The following CALN1 variants were observed in gnomAD, a reference collection of about 807,000 sequenced individuals.
CALN1 encodes the protein calneuron 1.
Under a neutral mutation model 30.6 loss-of-function variants are expected in CALN1, and 17 were observed. That is an observed-to-expected ratio of 0.56 (90% CI 0.38 to 0.83). The LOEUF (loss-of-function observed/expected upper bound fraction) is 0.83. Ranked by LOEUF, CALN1 falls within the 40% of genes least tolerant of loss-of-function variation. CALN1 has a pLI of 0.00. For missense variants in CALN1, 291 were observed against 354.9 expected (o/e 0.82, Z 1.45); for synonymous variants, 156 against 131.4 (o/e 1.19, Z -1.28).
intron 4 of CALN1, among the ~76,000 whole-genome samples, chr7:72,029,379 G>C (rs1471535446): frequency 6.6e-6 from 1 of 152,158 alleles, no homozygotes; most frequent in Non-Finnish European, 1.5e-5. Flanking sequence ...CTCCCAAAGT[G>C]CTGGGATTAC....
At chr7:72,111,464 TA>T (rs1807570024) in intron 3 of CALN1, among the ~76,000 whole-genome samples, 1 of 152,234 alleles carries the variant, frequency 6.6e-6, no homozygotes, top group African/African-American at 2.4e-5. Context: ...GCTGGTAACT[TA>T]TTTTTTTTTT....
chr7:71,927,333 C>G (rs936028369), intron 5 of CALN1, among the ~76,000 whole-genome samples: 1 of 152,148 alleles, frequency 6.6e-6, no homozygotes, highest in African/African-American at 2.4e-5. Flanking sequence ...CCTCAGCCTC[C>G]TGAGTAGCTG....
At chr7:72,399,494 C>G (rs971141584) in intron 2 of CALN1, among the ~76,000 whole-genome samples, 1 of 151,998 alleles carries the variant, frequency 6.6e-6, no homozygotes, top group Admixed American at 6.6e-5. Context: ...TGGTCTCGAT[C>G]TCTTGACCTC....
the CALN1 span, among the ~76,000 whole-genome samples, chr7:72,487,891 A>T: frequency 0.049 from 1,276 of 26,064 alleles, 26 homozygotes; most frequent in Non-Finnish European, 0.067. Flanking sequence ...AAAGAAAAGA[A>T]AAGAAAGAAA....
intron 3 of CALN1, among the ~76,000 whole-genome samples, chr7:72,117,213 A>G (rs1042110647): frequency 3.9e-5 from 6 of 152,194 alleles, no homozygotes; most frequent in African/African-American, 1.4e-4. Flanking sequence ...GCTACTAAGG[A>G]GGCTGAGATG....
chr7:72,375,243 T>C (rs1233886920), intron 2 of CALN1, among the ~76,000 whole-genome samples: 2 of 152,184 alleles, frequency 1.3e-5, no homozygotes, highest in East Asian at 3.8e-4. Flanking sequence ...CAGTGAGCTC[T>C]ATTCTCATCT....
Position 72,438,586 on chromosome 7 carries a change from G to A in CALN1, c.-226+8456C>T, listed in dbSNP as rs79426075. ...ACCGTCTTAAAATAGTAGCCGCCAC[G>A]TAGAGACATCACAGCAAATCTCTTA... On this transcript the variant is annotated intron_variant, in intron 1 of 6. Transcript: ENST00000395276. 1.6e-4 allele frequency among the ~76,000 whole-genome samples: 25 copies of A among 152,246 alleles called. No homozygotes were observed. The East Asian group carries it at 4.4e-3, about 27-fold the overall frequency.
chr7:72,492,847 G>A, the CALN1 span, among the ~76,000 whole-genome samples: 55 of 152,338 alleles, frequency 3.6e-4, no homozygotes, highest in African/African-American at 1.3e-3. Context: ...TATCCAGGAC[G>A]TATGGACAAT....
At chr7:72,228,523 A>G (rs993067310) in intron 3 of CALN1, among the ~76,000 whole-genome samples, 5 of 151,858 alleles carry the variant, frequency 3.3e-5, no homozygotes, top group African/African-American at 7.2e-5. Context: ...ATTCCTCAAT[A>G]AAGTTATTTT....
At chr7:71,928,259 T>A (rs1795368943) in intron 5 of CALN1, among the ~76,000 whole-genome samples, 1 of 152,116 alleles carries the variant, frequency 6.6e-6, no homozygotes, top group Non-Finnish European at 1.5e-5. Context: ...GAAATTTGTT[T>A]AAAAATTTCA....
At chr7:72,117,349 C>T (rs928003858) in intron 3 of CALN1, among the ~76,000 whole-genome samples, 4 of 152,064 alleles carry the variant, frequency 2.6e-5, no homozygotes, top group African/African-American at 9.7e-5. Flanking sequence ...GTTTTTGTTA[C>T]GTAGATGAAG....
chr7:72,063,814 T>G (rs1803830699), intron 4 of CALN1, among the ~76,000 whole-genome samples: 1 of 151,982 alleles, frequency 6.6e-6, no homozygotes, highest in Non-Finnish European at 1.5e-5. Flanking sequence ...GGATGCCCAA[T>G]CAGTAAGTAT....
Position 72,397,464 on chromosome 7 carries a change from C to G in CALN1, c.119+5787G>C, listed in dbSNP as rs542217361. Among the ~76,000 whole-genome samples, 6 of 152,226 alleles carry G rather than the reference C, an allele frequency of 3.9e-5. No individual in the cohort carries two copies. The South Asian group carries it at 1.2e-3, about 32-fold the overall frequency. ...TCATCTCCATGCTCATTCATCTCCC[C>G]AGTATGATCAGGACTTGCAGCAGAT... On this transcript the variant is annotated intron_variant, in intron 2 of 6. Coordinates refer to ENST00000395275, the MANE Select transcript of CALN1 (RefSeq NM_031468.4).
intron 5 of CALN1, among the ~76,000 whole-genome samples, chr7:71,951,955 T>A (rs1323269635): frequency 1.3e-5 from 2 of 151,724 alleles, no homozygotes; most frequent in Non-Finnish European, 2.9e-5. Context: ...TCCATTCCCC[T>A]CCTGGGAGTC....
intron 5 of CALN1, among the ~76,000 whole-genome samples, chr7:71,819,674 A>G (rs987624917): frequency 2.0e-5 from 3 of 151,958 alleles, no homozygotes; most frequent in Non-Finnish European, 4.4e-5. Flanking sequence ...TGCAAACCCA[A>G]CAACCACCAC....
intron 3 of CALN1, among the ~76,000 whole-genome samples, chr7:72,246,809 C>T (rs897051650): frequency 5.9e-5 from 8 of 135,602 alleles, no homozygotes; most frequent in Non-Finnish European, 1.2e-4. Flanking sequence ...GACTGGGGTG[C>T]TGTGGCGCAA....
intron 2 of CALN1, among the ~76,000 whole-genome samples, chr7:72,399,195 T>C (rs138488717): frequency 5.8e-4 from 88 of 150,986 alleles, no homozygotes; most frequent in Non-Finnish European, 9.6e-4. Context: ...GACAATGGGC[T>C]GCAAGGCTGG....
At chr7:71,940,298 T>C (rs1006330614) in intron 5 of CALN1, among the ~76,000 whole-genome samples, 2 of 152,224 alleles carry the variant, frequency 1.3e-5, no homozygotes, top group African/African-American at 4.8e-5. Flanking sequence ...TTTCATGCAA[T>C]CTGTTCTTCT....
At chr7:72,202,809 G>A (rs1791534399) in intron 3 of CALN1, among the ~76,000 whole-genome samples, 1 of 152,106 alleles carries the variant, frequency 6.6e-6, no homozygotes, top group Non-Finnish European at 1.5e-5. Flanking sequence ...GATTCCTCAA[G>A]GATCTAGAAC....
Sources: gnomAD v4.1 joint callset for allele counts (sites outside exome capture counted in the v4.1 genomes callset) on GRCh38, gnomAD v4.1.1 for gene constraint, MANE v1.5 for transcripts, NCBI Gene and HGNC (gene_info 2026-07-23, HGNC 2026-07-21) for gene names.